The following ST7 variants were observed in gnomAD, a reference collection of about 807,000 sequenced individuals.
ST7 encodes suppressor of tumorigenicity 7 protein.
In ST7, 28 loss-of-function variants were observed where a neutral mutation model predicts 78.7. The ratio of observed to expected loss-of-function variants is 0.36; its 90% CI spans 0.26 to 0.49. The LOEUF (loss-of-function observed/expected upper bound fraction) is 0.49. ST7 is among the 20% of genes least tolerant of loss of function. ST7 has a pLI of 0.99. For synonymous variants in ST7, 247 were observed against 249.6 expected, an observed-to-expected ratio of 0.99 and a Z score of 0.10; for missense variants, 418 against 696.0, an observed-to-expected ratio of 0.60 and a Z score of 4.49.
intron 13 of ST7, among the ~76,000 whole-genome samples, chr7:117,212,225 C>A (rs1792355142): frequency 6.6e-6 from 1 of 152,216 alleles, no homozygotes; most frequent in Admixed American, 6.5e-5. Flanking sequence ...ACATCATTCA[C>A]TCTTCCTGAT....
intron 12 of ST7, among the ~76,000 whole-genome samples, chr7:117,196,309 A>G (rs1440708388): frequency 6.6e-6 from 1 of 152,208 alleles, no homozygotes; most frequent in African/African-American, 2.4e-5. Flanking sequence ...TGGATCATAT[A>G]GTGGTGATTC....
chr7:117,055,885 G>A (rs912081128), intron 1 of ST7, among the ~76,000 whole-genome samples: 71 of 152,186 alleles, frequency 4.7e-4, no homozygotes, highest in Middle Eastern at 6.8e-3. Flanking sequence ...TAACTTACAC[G>A]ATCACAAGGT....
intron 11 of ST7, 99 bp downstream of exon 11, chr7:117,189,492 C>G: frequency 1.2e-6 from 1 of 853,470 alleles, no homozygotes; most frequent in Non-Finnish European, 1.7e-6. Context: ...GGCTATGAGA[C>G]CCCTGCTTAT....
chr7:117,027,894 G>A (rs1159233384), intron 1 of ST7, among the ~76,000 whole-genome samples: 1 of 152,122 alleles, frequency 6.6e-6, no homozygotes, highest in African/African-American at 2.4e-5. Context: ...AAGTGCTCAT[G>A]TTCTTTAAAA....
At chr7:116,987,361 T>C (rs1258578969) in intron 1 of ST7, among the ~76,000 whole-genome samples, 1 of 152,228 alleles carries the variant, frequency 6.6e-6, no homozygotes, top group East Asian at 1.9e-4. Flanking sequence ...CATCCTATTA[T>C]GCAACGTCCT....
At chr7:117,221,221 G>A (rs183727299) in intron 14 of ST7, among the ~76,000 whole-genome samples, 13 of 152,252 alleles carry the variant, frequency 8.5e-5, no homozygotes, top group African/African-American at 2.9e-4. Context: ...ATTATAGAGG[G>A]CACTCTAAAG....
At chr7:117,030,786 C>G (rs192614647) in intron 1 of ST7, among the ~76,000 whole-genome samples, 2 of 152,068 alleles carry the variant, frequency 1.3e-5, no homozygotes, top group African/African-American at 4.8e-5. Context: ...GGCAACTCCT[C>G]GAAGAACCAA....
chr7:117,002,666 T>TGTGA (rs35826542), intron 1 of ST7, among the ~76,000 whole-genome samples: 1 of 151,278 alleles, frequency 6.6e-6, no homozygotes, highest in Non-Finnish European at 1.5e-5. Context: ...TGTGTGTGTG[T>TGTGA]TTGTATGTAT....
intron 12 of ST7, among the ~76,000 whole-genome samples, chr7:117,194,062 G>A (rs1167452192): frequency 2.0e-5 from 3 of 152,158 alleles, no homozygotes; most frequent in Admixed American, 6.5e-5. Context: ...AATAAGAACA[G>A]TAAAAACCCC....
chr7:117,152,241 G>A (rs890101700), intron 9 of ST7, among the ~76,000 whole-genome samples: 3 of 105,384 alleles, frequency 2.8e-5, no homozygotes, highest in Non-Finnish European at 5.7e-5. Context: ...CAAATCTTTA[G>A]TTTCTTTAGT....
chr7:117,021,915 ACCAT>A (rs1795937670), intron 1 of ST7, among the ~76,000 whole-genome samples: 1 of 152,196 alleles, frequency 6.6e-6, no homozygotes, highest in African/African-American at 2.4e-5. Flanking sequence ...AGTGTCAAAG[ACCAT>A]CCAGTTTCAT....
chr7:117,057,523 A>G (rs908443633), intron 1 of ST7, among the ~76,000 whole-genome samples: 1 of 152,184 alleles, frequency 6.6e-6, no homozygotes, highest in Non-Finnish European at 1.5e-5. Flanking sequence ...GCTTCTCCTA[A>G]TAAGAGATTG....
At chr7:116,994,162 T>C (rs765715030) in intron 1 of ST7, among the ~76,000 whole-genome samples, 9 of 152,218 alleles carry the variant, frequency 5.9e-5, no homozygotes, top group Non-Finnish European at 1.2e-4. Context: ...AACTCCTCCT[T>C]CCACCTTCCT....
intron 12 of ST7, among the ~76,000 whole-genome samples, chr7:117,195,452 T>A (rs1172685627): frequency 2.0e-5 from 3 of 152,214 alleles, no homozygotes; most frequent in Non-Finnish European, 4.4e-5. Context: ...TTGTTAACTG[T>A]ATTAGTCCAT....
At chr7:117,222,875 C>T (rs1793196713) in intron 15 of ST7, 1 of 1,613,948 alleles carries the variant, frequency 6.2e-7, no homozygotes, top group African/African-American at 1.3e-5. Context: ...TTGACATTTT[C>T]TGCTCGGCAG....
intron 9 of ST7, among the ~76,000 whole-genome samples, chr7:117,165,429 T>C (rs1807472390): frequency 6.6e-6 from 1 of 152,142 alleles, no homozygotes; most frequent in Non-Finnish European, 1.5e-5. Context: ...AAGGTGTAGA[T>C]AATGGAAGAT....
intron 1 of ST7, among the ~76,000 whole-genome samples, chr7:117,086,047 C>T (rs556236328): frequency 4.1e-4 from 63 of 152,256 alleles, no homozygotes; most frequent in Non-Finnish European, 7.6e-4. Context: ...TCTCCCTCCC[C>T]CTTGTTTTCT....
intron 8 of ST7, 170 bp downstream of exon 8, chr7:117,136,405 A>T: frequency 1.4e-6 from 1 of 730,260 alleles, no homozygotes; most frequent in Non-Finnish European, 2.2e-6. Flanking sequence ...GTTAGTAAAT[A>T]ATTAACTTAC....
chr7:117,033,964 A>G (rs938031382), intron 1 of ST7, among the ~76,000 whole-genome samples: 1 of 151,626 alleles, frequency 6.6e-6, no homozygotes, highest in Admixed American at 6.6e-5. Flanking sequence ...TTGTTTAGAG[A>G]CAGGGCCTCA....
Sources: gnomAD v4.1 joint callset for allele counts (sites outside exome capture counted in the v4.1 genomes callset) on GRCh38, gnomAD v4.1.1 for gene constraint, MANE v1.5 for transcripts, NCBI Gene and HGNC (gene_info 2026-07-23, HGNC 2026-07-21) for gene names.